Variants in RASGRP1 observed in about 807,000 individuals in gnomAD.
The protein encoded by RASGRP1 is RAS guanyl releasing protein 1.
A neutral mutation model predicts 95.1 loss-of-function variants in RASGRP1; 37 were observed. That is an observed-to-expected ratio of 0.39 (90% confidence interval 0.30 to 0.51). RASGRP1 has a LOEUF of 0.51. RASGRP1 is among the 20% of genes least tolerant of loss of function. RASGRP1 has a pLI of 0.80. For synonymous variants in RASGRP1, 325 were observed against 353.4 expected, an observed-to-expected ratio of 0.92 and a Z score of 0.90; for missense variants, 711 against 965.4, an observed-to-expected ratio of 0.74 and a Z score of 3.49.
chr15:38,521,312 T>G (rs1055545986), intron 3 of RASGRP1, among the ~76,000 whole-genome samples: 1 of 152,220 alleles, frequency 6.6e-6, no homozygotes, highest in Non-Finnish European at 1.5e-5. Flanking sequence ...AAAACCACAC[T>G]TCTGTTTTAA....
At chr15:38,527,586 A>G (rs1892270376) in intron 2 of RASGRP1, among the ~76,000 whole-genome samples, 1 of 152,216 alleles carries the variant, frequency 6.6e-6, no homozygotes. Context: ...ATTCTGTTCC[A>G]GACTGGGAAC....
At chr15:38,539,954 T>C (rs1892801789) in intron 2 of RASGRP1, among the ~76,000 whole-genome samples, 1 of 152,208 alleles carries the variant, frequency 6.6e-6, no homozygotes. Flanking sequence ...TCTCACTCTA[T>C]TGCCCAGGCC....
intron 2 of RASGRP1, among the ~76,000 whole-genome samples, chr15:38,544,829 T>G (rs1893046444): frequency 6.6e-6 from 1 of 152,160 alleles, no homozygotes; most frequent in Admixed American, 6.5e-5. Flanking sequence ...CCAAGAGGAG[T>G]TTTGAGTTAA....
At chr15:38,518,467 A>G (rs1303139799) in intron 4 of RASGRP1, 44 bp from the exon 5 acceptor site, 1 of 1,570,476 alleles carries the variant, frequency 6.4e-7, no homozygotes, top group South Asian at 1.2e-5. Context: ...ACTGATACCA[A>G]GGACTCACAA....
chr15:38,561,611 C>G (rs1893812731), intron 1 of RASGRP1, among the ~76,000 whole-genome samples: 1 of 152,218 alleles, frequency 6.6e-6, no homozygotes, highest in Non-Finnish European at 1.5e-5. Context: ...ACTATGGGGC[C>G]ACTCAGTACA....
chr15:38,555,384 C>G (rs1355155556), intron 2 of RASGRP1, among the ~76,000 whole-genome samples: 1 of 152,212 alleles, frequency 6.6e-6, no homozygotes, highest in Non-Finnish European at 1.5e-5. Context: ...ATATTTCTTA[C>G]ATTGAATGGA....
Position 38,526,365 on chromosome 15 carries a change from T to G in RASGRP1, c.260A>C (p.Gln87Pro). Reference sequence around the variant, plus strand: ...AATTCGGTGCATGGTCAGCATGACTTGCAACAGTTGGTTACTTCGACACAG... The same window carrying G: ...AATTCGGTGCATGGTCAGCATGACTGGCAACAGTTGGTTACTTCGACACAG... Reference protein sequence around the residue: ...GNLCRSNQLLQVMLTMHRIVI... With the variant: ...GNLCRSNQLLPVMLTMHRIVI... The change falls in exon 3 of 17, where the codon CAA (glutamine) becomes CCA (proline). Residue 87 changes from glutamine (Q) to proline (P), a missense_variant. By Grantham distance (76) the Gln-to-Pro change is moderately conservative (BLOSUM62 -1). This residue lies in a region of RASGRP1 where 491 missense variants were observed against 676.6 expected (regional missense o/e 0.73). Coordinates refer to ENST00000310803, the MANE Select transcript of RASGRP1 (RefSeq NM_005739.4). 3 of 1,613,302 alleles carry G rather than the reference T, an allele frequency of 1.9e-6. No homozygotes were observed. The highest frequency in any genetic ancestry group is 2.5e-6 in the Non-Finnish European group (3 of 1,179,422).
intron 5 of RASGRP1, 126 bp downstream of exon 5, chr15:38,518,166 G>T: frequency 1.1e-6 from 1 of 882,088 alleles, no homozygotes. Context: ...GTGTATTTGA[G>T]GGGCTTCTCA....
intron 3 of RASGRP1, among the ~76,000 whole-genome samples, chr15:38,524,961 A>G (rs2141138072): frequency 7.8e-6 from 1 of 128,134 alleles, no homozygotes; most frequent in Middle Eastern, 3.8e-3. Flanking sequence ...CCGAGGTACA[A>G]TTTTCTTTCT....
chr15:38,550,380 C>T (rs559054650), intron 2 of RASGRP1, among the ~76,000 whole-genome samples: 3 of 152,052 alleles, frequency 2.0e-5, no homozygotes, highest in East Asian at 3.9e-4. Context: ...AAAAAGTTCA[C>T]ATCAAGAATT....
intron 15 of RASGRP1, among the ~76,000 whole-genome samples, chr15:38,495,254 A>G (rs1890754101): frequency 6.6e-6 from 1 of 152,182 alleles, no homozygotes; most frequent in Non-Finnish European, 1.5e-5. Context: ...ATGAGAAAGA[A>G]GTTTTAGCTT....
intron 11 of RASGRP1, 84 bp from the exon 12 acceptor site, chr15:38,502,505 G>T: frequency 1.2e-6 from 1 of 837,302 alleles, no homozygotes. Context: ...AGCTGGGGCA[G>T]TTGGATAAAA....
At chr15:38,519,585 C>G (rs1265942943) in intron 3 of RASGRP1, among the ~76,000 whole-genome samples, 3 of 152,172 alleles carry the variant, frequency 2.0e-5, no homozygotes, top group Non-Finnish European at 4.4e-5. Context: ...GTAATTTTCT[C>G]TCCAGCCCAC....
chr15:38,553,119 T>A (rs1439995043), intron 2 of RASGRP1, among the ~76,000 whole-genome samples: 1 of 152,232 alleles, frequency 6.6e-6, no homozygotes, highest in Non-Finnish European at 1.5e-5. Context: ...GGAAGCTGGC[T>A]CTGCTTACAT....
Position 38,501,515 on chromosome 15 carries a change from G to T in RASGRP1, c.1539-228C>A. On this transcript the variant is annotated intron_variant, in intron 12 of 16. Coordinates refer to ENST00000310803, the MANE Select transcript of RASGRP1 (RefSeq NM_005739.4). Reference sequence around the variant, plus strand: ...CTCATTTCCACAGAGGTGTTCTTTGGCCAAACTAGGTTTCCCTAACTAACT... The same window carrying T: ...CTCATTTCCACAGAGGTGTTCTTTGTCCAAACTAGGTTTCCCTAACTAACT... The T allele has an allele frequency of 1.2e-5, 8 of 664,946 alleles. No individual in the cohort carries two copies. The South Asian group carries it at 1.2e-4, about 10-fold the overall frequency. 41.2% of individuals were successfully genotyped at this position (664,946 alleles called of 1,614,324 possible).
chr15:38,536,137 A>C (rs1354308726), intron 2 of RASGRP1, among the ~76,000 whole-genome samples: 1 of 152,232 alleles, frequency 6.6e-6, no homozygotes, highest in Admixed American at 6.5e-5. Flanking sequence ...CTCTAGGAAC[A>C]ATTGAATTAT....
intron 13 of RASGRP1, among the ~76,000 whole-genome samples, 182 bp from the exon 14 acceptor site, chr15:38,500,321 A>G (rs1338663458): frequency 1.3e-5 from 2 of 151,792 alleles, no homozygotes; most frequent in African/African-American, 4.9e-5. Flanking sequence ...ATGCTGATCA[A>G]AGTTTCTCAA....
intron 15 of RASGRP1, among the ~76,000 whole-genome samples, chr15:38,495,060 T>A (rs767125973): frequency 5.9e-5 from 9 of 152,162 alleles, no homozygotes; most frequent in Non-Finnish European, 1.2e-4. Flanking sequence ...CCTGCCTCAG[T>A]GCCACAGAGT....
At chr15:38,493,590 G>C (rs1177967069) in intron 16 of RASGRP1, among the ~76,000 whole-genome samples, 1 of 152,090 alleles carries the variant, frequency 6.6e-6, no homozygotes, top group Non-Finnish European at 1.5e-5. Context: ...GTCTCTGTTA[G>C]GTACCTGATA....
Sources: allele counts gnomAD v4.1 joint callset (sites outside exome capture counted in the v4.1 genomes callset), GRCh38; gene constraint gnomAD v4.1.1; regional missense constraint gnomAD v4.1.1; transcripts MANE v1.5; gene names NCBI Gene and HGNC (gene_info 2026-07-23, HGNC 2026-07-21).